Variants in PTPRN2 observed in about 807,000 individuals in gnomAD.
The protein encoded by PTPRN2 is receptor-type tyrosine-protein phosphatase N2.
PTPRN2 carries 74 observed loss-of-function variants against 118.8 expected under a neutral mutation model. The observed-to-expected ratio is 0.62, with a 90% CI of 0.52 to 0.76. The LOEUF is 0.76. Among genes scored for constraint, PTPRN2 ranks in the 30% least tolerant of loss-of-function variants. PTPRN2 has a pLI of 0.00. For missense variants in PTPRN2, 1,481 were observed against 1,394.4 expected (o/e 1.06, Z -0.99); for synonymous variants, 641 against 608.0 (o/e 1.05, Z -0.80).
At chr7:158,083,107 G>A (rs756658357) in intron 10 of PTPRN2, among the ~76,000 whole-genome samples, 3 of 152,212 alleles carry the variant, frequency 2.0e-5, no homozygotes, top group Non-Finnish European at 4.4e-5. Context: ...TGTCTCCACA[G>A]TCTTCCAGAA....
chr7:157,926,757 C>T (rs1308948884), intron 11 of PTPRN2, among the ~76,000 whole-genome samples: 3 of 152,194 alleles, frequency 2.0e-5, no homozygotes, highest in Non-Finnish European at 4.4e-5. Context: ...TAGCCTCTCT[C>T]CCTGCAGCCC....
chr7:158,474,093 C>T lies in PTPRN2; in HGVS notation c.163+15642G>A, dbSNP rs555133109. Among the ~76,000 whole-genome samples the T allele has an allele frequency of 5.3e-5, 8 of 152,308 alleles. No individual in the cohort carries two copies. The South Asian group carries it at 8.3e-4, about 16-fold the overall frequency. Reference sequence around the variant, plus strand: ...TATAAGCAAATGAGGTCAGCCCTGGCGCTGGGCGGGTGCAGCACTGGCCCA... The same window carrying T: ...TATAAGCAAATGAGGTCAGCCCTGGTGCTGGGCGGGTGCAGCACTGGCCCA... On this transcript the variant is annotated intron_variant, in intron 2 of 22. Coordinates refer to ENST00000389418, the MANE Select transcript of PTPRN2 (RefSeq NM_002847.5).
chr7:157,791,848 C>T (rs966964545), intron 12 of PTPRN2, among the ~76,000 whole-genome samples: 1 of 152,228 alleles, frequency 6.6e-6, no homozygotes, highest in Non-Finnish European at 1.5e-5. Flanking sequence ...CCAGCAACGC[C>T]GTGCAGCACG....
intron 11 of PTPRN2, among the ~76,000 whole-genome samples, chr7:157,968,595 C>T (rs936459868): frequency 4.6e-5 from 7 of 152,138 alleles, no homozygotes; most frequent in African/African-American, 9.7e-5. Flanking sequence ...CAGCAGGTGC[C>T]GGCTGGGGCT....
At chr7:158,258,803 G>A (rs1381977061) in intron 3 of PTPRN2, among the ~76,000 whole-genome samples, 2 of 152,176 alleles carry the variant, frequency 1.3e-5, no homozygotes, top group Non-Finnish European at 2.9e-5. Context: ...AAGCTTTAGG[G>A]AGGAACATTT....
chr7:158,054,689 G>A (rs78811049), intron 11 of PTPRN2, among the ~76,000 whole-genome samples: 158 of 152,240 alleles, frequency 1.0e-3, no homozygotes, highest in East Asian at 9.9e-3. Context: ...ACCTCTACAC[G>A]GCTGCTCCCA....
chr7:158,444,743 C>T (rs1211209229), intron 2 of PTPRN2, among the ~76,000 whole-genome samples: 4 of 152,206 alleles, frequency 2.6e-5, no homozygotes, highest in African/African-American at 9.7e-5. Context: ...GTCCTCAGTG[C>T]TCCTCACAGA....
chr7:158,262,790 TAC>T (rs1295522547), intron 3 of PTPRN2, among the ~76,000 whole-genome samples: 3 of 109,334 alleles, frequency 2.7e-5, no homozygotes, highest in Admixed American at 1.8e-4. Context: ...ACTACACACA[TAC>T]ACATTCACAC....
intron 11 of PTPRN2, among the ~76,000 whole-genome samples, chr7:157,966,916 C>G (rs904336369): frequency 1.3e-5 from 2 of 152,234 alleles, no homozygotes; most frequent in Non-Finnish European, 2.9e-5. Flanking sequence ...TCACCACTCT[C>G]ATCATCATTT....
At chr7:158,002,611 C>G (rs1805349259) in intron 11 of PTPRN2, among the ~76,000 whole-genome samples, 1 of 152,166 alleles carries the variant, frequency 6.6e-6, no homozygotes, top group African/African-American at 2.4e-5. Context: ...TAGGGTTCAT[C>G]TGAGGGGTGA....
intron 11 of PTPRN2, among the ~76,000 whole-genome samples, chr7:158,058,841 G>A (rs34547897): frequency 1.8e-4 from 17 of 95,924 alleles, no homozygotes; most frequent in Admixed American, 4.1e-4. Flanking sequence ...ATCTGCACAC[G>A]GTGAGACATC....
chr7:158,440,153 C>A (rs969327504), intron 2 of PTPRN2, among the ~76,000 whole-genome samples: 11 of 152,212 alleles, frequency 7.2e-5, no homozygotes, highest in Non-Finnish European at 4.4e-5. Flanking sequence ...GTGGCCACAG[C>A]CCATAAAGGT....
intron 2 of PTPRN2, among the ~76,000 whole-genome samples, chr7:158,436,006 C>T (rs1209400725): frequency 6.6e-6 from 1 of 152,176 alleles, no homozygotes; most frequent in Non-Finnish European, 1.5e-5. Flanking sequence ...CGGTACAGAT[C>T]ATGGCTGTCA....
intron 12 of PTPRN2, among the ~76,000 whole-genome samples, chr7:157,840,548 G>C (rs559422557): frequency 6.6e-6 from 1 of 152,334 alleles, no homozygotes; most frequent in East Asian, 1.9e-4. Context: ...GGGTGTGGGA[G>C]TGGAGAGGGT....
At chr7:158,402,963 T>C (rs916301386) in intron 2 of PTPRN2, among the ~76,000 whole-genome samples, 3 of 152,194 alleles carry the variant, frequency 2.0e-5, no homozygotes, top group Admixed American at 1.3e-4. Context: ...AAAGGGACCC[T>C]TCCCAGAGCT....
intron 12 of PTPRN2, among the ~76,000 whole-genome samples, chr7:157,766,276 A>T (rs1802483254): frequency 1.4e-5 from 2 of 146,982 alleles, no homozygotes; most frequent in South Asian, 4.4e-4. Flanking sequence ...CCTTCCATCC[A>T]TTCACCCACA....
intron 12 of PTPRN2, among the ~76,000 whole-genome samples, chr7:157,797,680 G>C (rs543249858): frequency 6.6e-6 from 1 of 152,234 alleles, no homozygotes; most frequent in Non-Finnish European, 1.5e-5. Context: ...ATCCTTCAAC[G>C]CGAAGCTTGC....
chr7:157,653,665 G>T (rs1324645462), intron 14 of PTPRN2, among the ~76,000 whole-genome samples: 1 of 152,132 alleles, frequency 6.6e-6, no homozygotes, highest in East Asian at 1.9e-4. Flanking sequence ...ACCCCGCATG[G>T]CTGAGAGGGC....
At chr7:158,054,527 G>GATT (rs1809632412) in intron 11 of PTPRN2, among the ~76,000 whole-genome samples, 1 of 152,238 alleles carries the variant, frequency 6.6e-6, no homozygotes, top group African/African-American at 2.4e-5. Flanking sequence ...TTCTGCGGTT[G>GATT]ATTATTCATG....
Sources: allele counts gnomAD v4.1 joint callset (sites outside exome capture counted in the v4.1 genomes callset), GRCh38; gene constraint gnomAD v4.1.1; transcripts MANE v1.5; gene names NCBI Gene and HGNC (gene_info 2026-07-23, HGNC 2026-07-21).